STEAP1B: variants seen among roughly 807,000 people sequenced by gnomAD.
STEAP1B encodes the protein STEAP family protein MGC87042.
A neutral mutation model predicts 27.9 loss-of-function variants in STEAP1B; 13 were observed. That is an observed-to-expected ratio of 0.47 (90% confidence interval 0.30 to 0.74). The LOEUF (loss-of-function observed/expected upper bound fraction) is 0.74, where lower values mean the gene tolerates loss of function less well. Among genes scored for constraint, STEAP1B ranks in the 30% least tolerant of loss-of-function variants. The pLI is 0.06. For synonymous variants in STEAP1B, 86 were observed against 107.1 expected (o/e 0.80, Z 1.22); for missense variants, 250 against 298.7 (o/e 0.84, Z 1.20).
chr7:22,439,060 T>G (rs548985698), intron 4 of STEAP1B, among the ~76,000 whole-genome samples: 1 of 152,288 alleles, frequency 6.6e-6, no homozygotes, highest in South Asian at 2.1e-4. Flanking sequence ...ACATTTACTA[T>G]CCAACATGGG....
In STEAP1B at chr7:22,497,849, G is replaced by A. The variant is rs552758866; in HGVS notation, c.-32+2265C>T. On this transcript the variant is annotated intron_variant, in intron 1 of 4. Transcript: ENST00000678116. Reference sequence around the variant, plus strand: ...AGGGCTTATAGTCATGGTGGAAGGTGAAGTGGGAGCAGGCGTCTTACATTA... The same window carrying A: ...AGGGCTTATAGTCATGGTGGAAGGTAAAGTGGGAGCAGGCGTCTTACATTA... 4.7e-4 allele frequency among the ~76,000 whole-genome samples: 71 copies of A among 152,346 alleles called. No individual in the cohort carries two copies. The South Asian group carries it at 7.9e-3, about 17-fold the overall frequency.
chr7:22,460,146 CA>C (rs1200330320), intron 4 of STEAP1B, among the ~76,000 whole-genome samples: 1 of 151,432 alleles, frequency 6.6e-6, no homozygotes, highest in Non-Finnish European at 1.5e-5. Context: ...CCCGTCTCTA[CA>C]AAAAAACGTT....
chr7:22,471,454 A>G (rs1437106519), intron 4 of STEAP1B, among the ~76,000 whole-genome samples: 2 of 152,348 alleles, frequency 1.3e-5, no homozygotes, highest in East Asian at 3.9e-4. Context: ...ATGACATTTC[A>G]TAGCGCTGCC....
At chr7:22,452,153 C>A (rs1471449658) in intron 4 of STEAP1B, among the ~76,000 whole-genome samples, 3 of 152,154 alleles carry the variant, frequency 2.0e-5, no homozygotes, top group Admixed American at 2.0e-4. Context: ...GTAGAAATTA[C>A]AGAAGGCTGC....
chr7:22,465,083 C>G (rs1266186325), intron 4 of STEAP1B, among the ~76,000 whole-genome samples: 1 of 150,816 alleles, frequency 6.6e-6, no homozygotes, highest in Non-Finnish European at 1.5e-5. Context: ...AAAGGGTTAC[C>G]TGAACACAAG....
At chr7:22,461,829 T>G (rs1785683430) in intron 4 of STEAP1B, among the ~76,000 whole-genome samples, 1 of 152,212 alleles carries the variant, frequency 6.6e-6, no homozygotes. Flanking sequence ...TATTCCAACA[T>G]TTACTTAAAT....
chr7:22,448,888 G>A (rs977053535), intron 4 of STEAP1B, among the ~76,000 whole-genome samples: 1 of 152,152 alleles, frequency 6.6e-6, no homozygotes, highest in African/African-American at 2.4e-5. Flanking sequence ...GAGGGGCCAT[G>A]GGACACACGA....
chr7:22,468,503 A>G (rs973788017), intron 4 of STEAP1B, among the ~76,000 whole-genome samples: 1 of 152,178 alleles, frequency 6.6e-6, no homozygotes, highest in African/African-American at 2.4e-5. Context: ...TAAAAAGTTG[A>G]ATATACACCT....
intron 4 of STEAP1B, 134 bp downstream of exon 4, chr7:22,492,431 A>G (rs116854939): frequency 0.029 from 38,239 of 1,299,448 alleles, 908 homozygotes; most frequent in Admixed American, 0.13. Context: ...AGAGCACATT[A>G]TTAACTGGAA....
intron 4 of STEAP1B, among the ~76,000 whole-genome samples, chr7:22,464,843 G>C (rs1480111819): frequency 6.7e-6 from 1 of 149,534 alleles, no homozygotes; most frequent in Non-Finnish European, 1.5e-5. Flanking sequence ...CTGGTATTTT[G>C]CTATGGCAAC....
At chr7:22,439,910 T>C (rs371705671) in intron 4 of STEAP1B, among the ~76,000 whole-genome samples, 4 of 152,130 alleles carry the variant, frequency 2.6e-5, no homozygotes, top group East Asian at 1.9e-4. Context: ...ACAATAACAA[T>C]AGAAACTTCA....
At chr7:22,480,620 C>T (rs749594106) in intron 4 of STEAP1B, among the ~76,000 whole-genome samples, 2 of 152,208 alleles carry the variant, frequency 1.3e-5, no homozygotes, top group Non-Finnish European at 2.9e-5. Context: ...TGGCTCCAGG[C>T]TGAATTTTCC....
intron 4 of STEAP1B, among the ~76,000 whole-genome samples, chr7:22,441,135 G>A (rs1362446523): frequency 2.0e-5 from 3 of 151,824 alleles, no homozygotes; most frequent in African/African-American, 7.3e-5. Flanking sequence ...TTACCACTAT[G>A]CTGGAATTAA....
chr7:22,436,541 C>CT (rs1785256699), intron 4 of STEAP1B, among the ~76,000 whole-genome samples: 1 of 143,284 alleles, frequency 7.0e-6, no homozygotes, highest in African/African-American at 2.4e-5. Context: ...CCTCTTCCTC[C>CT]TCCCACCCTC....
In STEAP1B at chr7:22,496,966, A is replaced by T. The variant is rs540065248; in HGVS notation, c.-31-2080T>A. Among the ~76,000 whole-genome samples, 3 of 152,360 alleles carry T rather than the reference A, an allele frequency of 2.0e-5. No homozygotes were observed. The South Asian group carries it at 6.2e-4, about 32-fold the overall frequency. ...ATTATCTATTTCAAAATTACAGAACATTCATGATGAAGATATCTGTTGTTT... is the reference window on the plus strand; with the variant it reads ...ATTATCTATTTCAAAATTACAGAACTTTCATGATGAAGATATCTGTTGTTT... On this transcript the variant is annotated intron_variant, in intron 1 of 4. Transcript: ENST00000678116.
At chr7:22,498,286 T>C (rs544148408) in intron 1 of STEAP1B, among the ~76,000 whole-genome samples, 122 of 152,042 alleles carry the variant, frequency 8.0e-4, no homozygotes, top group South Asian at 6.0e-3. Flanking sequence ...CATGGTCCGA[T>C]CACCTCCCAC....
At chr7:22,452,556 A>G (rs1350805544) in intron 4 of STEAP1B, among the ~76,000 whole-genome samples, 1 of 152,206 alleles carries the variant, frequency 6.6e-6, no homozygotes, top group East Asian at 1.9e-4. Flanking sequence ...AAGGCAATAA[A>G]TTAACAACTG....
At position 22,482,134 on chromosome 7, in the gene STEAP1B, T is replaced by C. The variant is rs926913039; in HGVS notation, c.762+10431A>G. On this transcript the variant is annotated intron_variant, in intron 4 of 4. Coordinates refer to ENST00000678116, the MANE Select transcript of STEAP1B (RefSeq NM_001382447.1). ...AGCTGAGTACAGGCATCTCACCAAG[T>C]AGCTTTGAACAAAGGGGACTGAGTG... Among the ~76,000 whole-genome samples the C allele has an allele frequency of 2.6e-5, 4 of 152,230 alleles. No individual in the cohort carries two copies. In the East Asian group the frequency reaches 7.7e-4, roughly 29 times the overall value.
At chr7:22,443,144 G>A (rs981448506) in intron 4 of STEAP1B, among the ~76,000 whole-genome samples, 3 of 152,140 alleles carry the variant, frequency 2.0e-5, no homozygotes, top group African/African-American at 7.2e-5. Context: ...TTTCGCAGGT[G>A]TTTACCACAA....
Sources: gnomAD v4.1 joint callset for allele counts (sites outside exome capture counted in the v4.1 genomes callset) on GRCh38, gnomAD v4.1.1 for gene constraint, MANE v1.5 for transcripts, NCBI Gene and HGNC (gene_info 2026-07-23, HGNC 2026-07-21) for gene names.